The following LAMA2 variants were observed in gnomAD, a reference collection of about 807,000 sequenced individuals.
LAMA2 encodes laminin subunit alpha 2.
Under a neutral mutation model 364.8 loss-of-function variants are expected in LAMA2, and 269 were observed. That is an observed-to-expected ratio of 0.74 (90% confidence interval 0.67 to 0.82). The LOEUF is 0.82. Among genes scored for constraint, LAMA2 ranks in the 40% least tolerant of loss-of-function variants. The pLI is 0.00. For missense variants in LAMA2, 3,807 were observed against 3,873.2 expected, an observed-to-expected ratio of 0.98 and a Z score of 0.45; for synonymous variants, 1,379 against 1,370.6, an observed-to-expected ratio of 1.01 and a Z score of -0.14.
At chr6:129,258,244 T>C (rs918517445) in intron 14 of LAMA2, among the ~76,000 whole-genome samples, 4 of 152,126 alleles carry the variant, frequency 2.6e-5, no homozygotes, top group African/African-American at 9.6e-5. Context: ...CCAGAAATTC[T>C]GTTTCTAGAT....
chr6:129,243,528 G>T (rs550443467), intron 12 of LAMA2, among the ~76,000 whole-genome samples: 5 of 151,684 alleles, frequency 3.3e-5, no homozygotes, highest in Non-Finnish European at 1.5e-5. Flanking sequence ...AGCAGTGGAC[G>T]GGCTGAGCTT....
intron 1 of LAMA2, among the ~76,000 whole-genome samples, chr6:128,906,809 TG>T (rs1777506965): frequency 6.7e-6 from 1 of 150,044 alleles, no homozygotes; most frequent in Non-Finnish European, 1.5e-5. Context: ...AATTGATTTT[TG>T]TATAAGGTGT....
intron 22 of LAMA2, among the ~76,000 whole-genome samples, chr6:129,310,525 C>A (rs1012479028): frequency 6.6e-6 from 1 of 151,974 alleles, no homozygotes; most frequent in Admixed American, 6.6e-5. Context: ...GTGCATACAC[C>A]ATATGGTGGC....
At chr6:129,267,796 T>C (rs979213612) in intron 16 of LAMA2, among the ~76,000 whole-genome samples, 1 of 152,096 alleles carries the variant, frequency 6.6e-6, no homozygotes. Context: ...AACCAGAAAA[T>C]AGGCTTTACA....
chr6:129,282,787 C>T (rs946997527), intron 18 of LAMA2, among the ~76,000 whole-genome samples: 1 of 152,116 alleles, frequency 6.6e-6, no homozygotes. Context: ...ATCATTTTTC[C>T]ATCTGCCTTT....
At chr6:129,307,579 T>C (rs1773956862) in intron 22 of LAMA2, among the ~76,000 whole-genome samples, 1 of 152,222 alleles carries the variant, frequency 6.6e-6, no homozygotes, top group Admixed American at 6.5e-5. Flanking sequence ...CACTGCTTCA[T>C]GTTTTTTTCC....
chr6:129,147,730 A>G (rs527249860), intron 6 of LAMA2, among the ~76,000 whole-genome samples: 1 of 152,212 alleles, frequency 6.6e-6, no homozygotes, highest in Admixed American at 6.5e-5. Flanking sequence ...TAGTAAGATC[A>G]GTGAATGTAA....
rs116117802 is a variant in LAMA2, at chr6:129,475,783, G to A, written c.7451+382G>A. Among the ~76,000 whole-genome samples the A allele has an allele frequency of 4.1e-3, 618 of 152,134 alleles. 6 individuals carry two copies. The highest frequency in any genetic ancestry group is 0.014 in the African/African-American group (570 of 41,520). On this transcript the variant is annotated intron_variant, in intron 53 of 64. Transcript: ENST00000421865. ...AAAGTGGTCTCTTGAGTTGAACCCC[G>A]GGCCCTGGCCTCCCTAGTGCCATGC...
intron 12 of LAMA2, among the ~76,000 whole-genome samples, chr6:129,242,009 G>GT (rs542450623): frequency 6.9e-4 from 105 of 152,242 alleles, no homozygotes; most frequent in African/African-American, 2.3e-3. Flanking sequence ...GAAATACGTT[G>GT]TCTGCTATTT....
chr6:129,131,736 C>G (rs1777485249), intron 4 of LAMA2, among the ~76,000 whole-genome samples: 1 of 152,166 alleles, frequency 6.6e-6, no homozygotes. Context: ...CCTTGGGGTA[C>G]TGTTTACTTG....
intron 12 of LAMA2, among the ~76,000 whole-genome samples, chr6:129,222,016 T>C (rs1349997244): frequency 2.0e-5 from 3 of 152,206 alleles, no homozygotes; most frequent in Non-Finnish European, 4.4e-5. Flanking sequence ...AAATTATCTT[T>C]TTAAAAATGT....
chr6:129,253,427 A>G (rs1422672033), intron 14 of LAMA2, among the ~76,000 whole-genome samples: 1 of 152,156 alleles, frequency 6.6e-6, no homozygotes, highest in Admixed American at 6.5e-5. Context: ...TAATATTTCA[A>G]CTTAGTCTAA....
At chr6:129,467,620 C>T (rs1450185286) in intron 51 of LAMA2, among the ~76,000 whole-genome samples, 1 of 151,780 alleles carries the variant, frequency 6.6e-6, no homozygotes, top group Non-Finnish European at 1.5e-5. Flanking sequence ...GTATAACAAA[C>T]AGGGATAAAA....
At chr6:129,344,950 A>T (rs576739849) in intron 30 of LAMA2, among the ~76,000 whole-genome samples, 2 of 152,214 alleles carry the variant, frequency 1.3e-5, no homozygotes, top group Non-Finnish European at 2.9e-5. Flanking sequence ...CAGCAAGGAG[A>T]CAAGAGTCAG....
At chr6:129,050,845 C>A (rs1190686883) in intron 2 of LAMA2, among the ~76,000 whole-genome samples, 1 of 152,132 alleles carries the variant, frequency 6.6e-6, no homozygotes, top group African/African-American at 2.4e-5. Flanking sequence ...TAGGGAGAGG[C>A]ACCATGTAAA....
intron 15 of LAMA2, among the ~76,000 whole-genome samples, chr6:129,261,986 AC>A (rs1787169173): frequency 6.6e-6 from 1 of 152,132 alleles, no homozygotes; most frequent in African/African-American, 2.4e-5. Flanking sequence ...AACTATTTGA[AC>A]TTTTAAGATC....
intron 1 of LAMA2, among the ~76,000 whole-genome samples, chr6:128,983,383 A>G (rs1040386592): frequency 6.6e-6 from 1 of 151,986 alleles, no homozygotes. Context: ...GCATTTTTTC[A>G]TGTGTTTTTT....
rs145676524 is a variant in LAMA2, at chr6:129,126,634, A to G, written c.640-17267A>G. Among the ~76,000 whole-genome samples the G allele has an allele frequency of 3.2e-4, 49 of 152,326 alleles. No homozygotes were observed. The East Asian group carries it at 7.3e-3, about 23-fold the overall frequency. On this transcript the variant is annotated intron_variant, in intron 4 of 64. Transcript: ENST00000421865. ...CAAAGAAAGCCAGAATCAAAACCCA[A>G]TTTTGAATATCAAGTGTTAAATATG...
At chr6:129,297,047 G>A (rs919251109) in intron 20 of LAMA2, among the ~76,000 whole-genome samples, 8 of 152,108 alleles carry the variant, frequency 5.3e-5, no homozygotes, top group African/African-American at 1.7e-4. Flanking sequence ...GCTTTAATAC[G>A]TGTTCTCACT....
Sources: allele counts gnomAD v4.1 joint callset (sites outside exome capture counted in the v4.1 genomes callset), GRCh38; gene constraint gnomAD v4.1.1; transcripts MANE v1.5; gene names NCBI Gene and HGNC (gene_info 2026-07-23, HGNC 2026-07-21).